The following PCNX2 variants were observed in gnomAD, a reference collection of about 807,000 sequenced individuals.
PCNX2 encodes the protein pecanex-like protein 2.
In PCNX2, 168 loss-of-function variants were observed where a neutral mutation model predicts 223.8. That is an observed-to-expected ratio of 0.75 (90% CI 0.66 to 0.85). The LOEUF is 0.85. PCNX2 is among the 40% of genes least tolerant of loss of function. The pLI is 0.00. For missense variants in PCNX2, 2,507 were observed against 2,675.5 expected (o/e 0.94, Z 1.39); for synonymous variants, 1,006 against 1,052.6 (o/e 0.96, Z 0.86).
chr1:233,011,560 A>T (rs1367534290), intron 28 of PCNX2, among the ~76,000 whole-genome samples: 1 of 152,220 alleles, frequency 6.6e-6, no homozygotes, highest in African/African-American at 2.4e-5. Context: ...TGCTGGGTTT[A>T]GGTAATGCCC....
intron 32 of PCNX2, among the ~76,000 whole-genome samples, chr1:232,988,897 A>G (rs1311751079): frequency 6.6e-6 from 1 of 152,228 alleles, no homozygotes; most frequent in African/African-American, 2.4e-5. Context: ...AGCTGGGTGC[A>G]AAGTGCTGTG....
intron 28 of PCNX2, among the ~76,000 whole-genome samples, chr1:233,003,343 A>G (rs1670160512): frequency 6.6e-6 from 1 of 152,252 alleles, no homozygotes; most frequent in African/African-American, 2.4e-5. Context: ...TGAGCAAAGG[A>G]TATGAACAGA....
At chr1:233,120,202 G>GA (rs148327443) in intron 21 of PCNX2, among the ~76,000 whole-genome samples, 23,227 of 126,866 alleles carry the variant, frequency 0.18, 2,011 homozygotes, top group East Asian at 0.24. Flanking sequence ...AAAGAAAAAA[G>GA]AAAAAAAAAG....
chr1:233,132,373 C>G (rs1205393601), intron 21 of PCNX2, among the ~76,000 whole-genome samples: 1 of 152,152 alleles, frequency 6.6e-6, no homozygotes, highest in Non-Finnish European at 1.5e-5. Flanking sequence ...CTTTCTTTGT[C>G]CCTTGAAAGC....
At chr1:232,999,400 G>A (rs368166085) in intron 30 of PCNX2, 21 bp from the exon 31 acceptor site, 547 of 1,570,168 alleles carry the variant, frequency 3.5e-4, no homozygotes, top group Non-Finnish European at 4.5e-4. Context: ...GAGAGGGAAC[G>A]GGAAGAAAGG....
chr1:233,089,968 T>C, intron 23 of PCNX2, 93 bp downstream of exon 23: 1 of 1,570,384 alleles, frequency 6.4e-7, no homozygotes, highest in Non-Finnish European at 8.6e-7. Flanking sequence ...GGGGGAAGCC[T>C]GGAGCCAGGG....
chr1:233,000,122 C>T lies in PCNX2; in HGVS notation c.5328+183G>A, dbSNP rs1670028551. ...GTGATCCTGCCAGGGGAACACAGCA[C>T]CCAGCCTGGCACCATGCCCTGCCCC... On this transcript the variant is annotated intron_variant, in intron 30 of 33. Transcript: ENST00000258229. This position sits in a 1 kb window ranked among gnomAD's most constrained non-coding sequence, Gnocchi z 4.6. Among the ~76,000 whole-genome samples, 2 of 140,326 alleles carry T rather than the reference C, an allele frequency of 1.4e-5. No individual in the cohort carries two copies. Among genetic ancestry groups the T allele is most frequent in the Non-Finnish European group, 2.9e-5 (2 of 67,844 alleles). The allele number at this position is 140,326 out of a possible 152,430, so 92.1% of individuals were successfully genotyped here. A position where few individuals can be genotyped will look rare whatever the true frequency, so the allele number is the denominator to read the frequency against.
chr1:233,085,915 T>C lies in PCNX2; in HGVS notation c.4076+4146A>G, dbSNP rs574166229. On this transcript the variant is annotated intron_variant, in intron 23 of 33. Transcript: ENST00000258229. ...ACCACTCAGCCCAGCCCTTCCCAAA[T>C]TCCTGACCCATAGAAGCCATGAGAT... Among the ~76,000 whole-genome samples, 31 of 152,326 alleles carry C rather than the reference T, an allele frequency of 2.0e-4. No homozygotes were observed. In the South Asian group the frequency reaches 6.2e-3, roughly 31 times the overall value.
chr1:233,247,689 C>T (rs1487289672), intron 8 of PCNX2, among the ~76,000 whole-genome samples: 1 of 151,930 alleles, frequency 6.6e-6, no homozygotes, highest in Non-Finnish European at 1.5e-5. Context: ...ACCAGCCTGG[C>T]CAACATGGTG....
intron 10 of PCNX2, among the ~76,000 whole-genome samples, chr1:233,223,839 G>A (rs1278570094): frequency 6.6e-6 from 1 of 152,164 alleles, no homozygotes; most frequent in Non-Finnish European, 1.5e-5. Flanking sequence ...TGAGAAGCAT[G>A]AATGATTTCC....
chr1:233,295,538 C>T lies in PCNX2; in HGVS notation c.-60G>A. ...TGCACCCTGCGCGCCCCGGCCGGAT[C>T]TCCAGGCTCCCTCAGGTCTAACACC... On this transcript the variant is annotated 5_prime_UTR_variant, in exon 1 of 34. Transcript: ENST00000258229. The surrounding 1 kb of genome is among the most constrained non-coding windows in gnomAD (Gnocchi z 4.1). 1 of 1,454,692 alleles carries T rather than the reference C, an allele frequency of 6.9e-7. No individual in the cohort carries two copies. Among genetic ancestry groups the T allele is most frequent in the Non-Finnish European group, 9.1e-7 (1 of 1,103,350 alleles). 90.1% of individuals were successfully genotyped at this position (1,454,692 alleles called of 1,614,324 possible).
intron 23 of PCNX2, among the ~76,000 whole-genome samples, chr1:233,085,568 A>G (rs1288417091): frequency 6.6e-6 from 1 of 152,194 alleles, no homozygotes; most frequent in Non-Finnish European, 1.5e-5. Flanking sequence ...GGCAGAATAT[A>G]ATTCCCCTTT....
At position 233,139,943 on chromosome 1, in the gene PCNX2, C is replaced by A; in HGVS notation, c.3518-88G>T. 6.9e-7 allele frequency: 1 copy of A among 1,453,964 alleles called. No individual in the cohort carries two copies. The highest frequency in any genetic ancestry group is 9.2e-7 in the Non-Finnish European group (1 of 1,087,726). The allele number at this position is 1,453,964 out of a possible 1,614,324, so 90.1% of individuals were successfully genotyped here. A position where few individuals can be genotyped will look rare whatever the true frequency, so the allele number is the denominator to read the frequency against. ...GGTAATAATAAGTAATATTCCCCCCCTTTAATTCAAAAGCTGCTAATTAAG... is the reference window on the plus strand; with the variant it reads ...GGTAATAATAAGTAATATTCCCCCCATTTAATTCAAAAGCTGCTAATTAAG... On this transcript the variant is annotated intron_variant, in intron 19 of 33. Transcript: ENST00000258229. The surrounding 1 kb of genome is among the most constrained non-coding windows in gnomAD (Gnocchi z 4.4).
At chr1:233,232,524 A>G (rs949266378) in intron 9 of PCNX2, among the ~76,000 whole-genome samples, 2 of 152,228 alleles carry the variant, frequency 1.3e-5, no homozygotes, top group Non-Finnish European at 2.9e-5. Flanking sequence ...TCTGAACATG[A>G]TAAGTGAAAA....
At chr1:233,289,537 T>C in intron 1 of PCNX2, 1 of 654,504 alleles carries the variant, frequency 1.5e-6, no homozygotes. Context: ...GCTCTTCGCC[T>C]GAAATACAAC....
upstream of PCNX2, among the ~76,000 whole-genome samples, chr1:233,299,093 C>CT (rs975239783): frequency 6.6e-5 from 10 of 152,146 alleles, no homozygotes; most frequent in African/African-American, 2.4e-4. Context: ...TGTGAACTCT[C>CT]TGTCTTCTCT....
At chr1:233,177,590 G>C (rs1679551224) in intron 17 of PCNX2, among the ~76,000 whole-genome samples, 1 of 152,216 alleles carries the variant, frequency 6.6e-6, no homozygotes, top group South Asian at 2.1e-4. Context: ...TTACTTTCAA[G>C]TGATATTCTT....
intron 21 of PCNX2, chr1:233,112,920 A>G (rs1464900906): frequency 1.6e-6 from 2 of 1,289,234 alleles, no homozygotes; most frequent in Admixed American, 2.3e-5. Context: ...AGTAACTTGC[A>G]TGGTTTGAGT....
At chr1:233,157,219 T>A (rs892635642) in intron 19 of PCNX2, among the ~76,000 whole-genome samples, 6 of 152,082 alleles carry the variant, frequency 3.9e-5, no homozygotes, top group African/African-American at 1.4e-4. Flanking sequence ...CCACATTCAG[T>A]CTATACATGA....
Sources: gnomAD v4.1 joint callset for allele counts (sites outside exome capture counted in the v4.1 genomes callset) on GRCh38, gnomAD v4.1.1 for gene constraint, Gnocchi (gnomAD v3.1) non-coding constraint, MANE v1.5 for transcripts, NCBI Gene and HGNC (gene_info 2026-07-23, HGNC 2026-07-21) for gene names.